Variants in ZBTB20 observed in about 807,000 individuals in gnomAD.
ZBTB20 encodes zinc finger and BTB domain containing 20, also known as zinc finger and BTB domain-containing protein 20.
In ZBTB20, 9 loss-of-function variants were observed where a neutral mutation model predicts 56.9. The ratio of observed to expected loss-of-function variants is 0.16; its 90% CI spans 0.10 to 0.28. The LOEUF is 0.28. Among genes scored for constraint, ZBTB20 ranks in the 10% least tolerant of loss-of-function variants. The probability of loss-of-function intolerance (pLI) is 1.00; values close to 1 mark genes in which losing one functional copy is unlikely to be tolerated. For synonymous variants in ZBTB20, 417 were observed against 420.7 expected, an observed-to-expected ratio of 0.99 and a Z score of 0.11; for missense variants, 655 against 1,003.0, an observed-to-expected ratio of 0.65 and a Z score of 4.69.
In ZBTB20 at chr3:114,844,543, A is replaced by AAAAAC. The variant is rs1553843953; in HGVS notation, c.-416-43370_-416-43369insGTTTT. Among the ~76,000 whole-genome samples the AAAAAC allele has an allele frequency of 1.1e-4, 15 of 139,420 alleles. 1 individual carries two copies. Among genetic ancestry groups the AAAAAC allele is most frequent in the Non-Finnish European group, 2.2e-4 (14 of 64,750 alleles). 91.5% of individuals were successfully genotyped at this position (139,420 alleles called of 152,430 possible). A position where few individuals can be genotyped will look rare whatever the true frequency, so the allele number is the denominator to read the frequency against. ...CTCAAAAAAAAAAAAAAAAAAAAAA[A>AAAAAC]AAAAAAAAACTTTCATTTCTCTTGT... On this transcript the variant is annotated intron_variant, in intron 4 of 11. Transcript: ENST00000675478.
chr3:114,817,744 G>T (rs779960269), intron 4 of ZBTB20, among the ~76,000 whole-genome samples: 21 of 151,946 alleles, frequency 1.4e-4, no homozygotes, highest in Admixed American at 2.6e-4. Flanking sequence ...ATGATACTGA[G>T]CAGAAAATTG....
chr3:114,689,602 C>T (rs553428645), intron 6 of ZBTB20, among the ~76,000 whole-genome samples: 19 of 152,052 alleles, frequency 1.2e-4, no homozygotes, highest in Admixed American at 7.9e-4. Context: ...AAGGTGTACG[C>T]GTACATACAC....
chr3:115,078,815 C>T (rs534331383), intron 1 of ZBTB20, among the ~76,000 whole-genome samples: 2 of 151,774 alleles, frequency 1.3e-5, no homozygotes, highest in African/African-American at 4.8e-5. Flanking sequence ...CTCACCTGGT[C>T]CTCACAACAA....
intron 3 of ZBTB20, among the ~76,000 whole-genome samples, chr3:114,958,590 G>A (rs2077330194): frequency 6.6e-6 from 1 of 152,124 alleles, no homozygotes; most frequent in African/African-American, 2.4e-5. Flanking sequence ...GCTGATGTCT[G>A]TAATCCCAGC....
intron 4 of ZBTB20, among the ~76,000 whole-genome samples, chr3:114,875,185 C>CCTGATTAGCACTGTGCATAATCAAA (rs2076148662): frequency 6.6e-6 from 1 of 152,072 alleles, no homozygotes; most frequent in South Asian, 2.1e-4. Context: ...GCATAATTAA[C>CCTGATTAGCACTGTGCATAATCAAA]CTGATTAGCA....
At chr3:114,767,645 G>T (rs2068875913) in intron 5 of ZBTB20, among the ~76,000 whole-genome samples, 1 of 151,638 alleles carries the variant, frequency 6.6e-6, no homozygotes, top group African/African-American at 2.4e-5. Context: ...AAGCAAGAAA[G>T]AAGGAAAGAA....
chr3:114,770,449 TA>T (rs775749389), intron 5 of ZBTB20, among the ~76,000 whole-genome samples: 382 of 136,034 alleles, frequency 2.8e-3, no homozygotes, highest in Admixed American at 3.5e-3. Flanking sequence ...AACTCCATCT[TA>T]AAAAAAAAAA....
chr3:114,433,212 C>T (rs951494726), intron 7 of ZBTB20, among the ~76,000 whole-genome samples: 11 of 152,108 alleles, frequency 7.2e-5, no homozygotes, highest in East Asian at 1.9e-4. Flanking sequence ...GTCATGACCA[C>T]GTCTAAGCTC....
intron 5 of ZBTB20, among the ~76,000 whole-genome samples, chr3:114,728,205 C>T (rs2065448417): frequency 6.6e-6 from 1 of 152,114 alleles, no homozygotes; most frequent in Admixed American, 6.6e-5. Flanking sequence ...TCCCCATCCA[C>T]TCGTAACACT....
At chr3:114,541,979 A>T (rs571519762) in intron 6 of ZBTB20, among the ~76,000 whole-genome samples, 2 of 152,334 alleles carry the variant, frequency 1.3e-5, no homozygotes, top group Non-Finnish European at 2.9e-5. Flanking sequence ...TATTACTATT[A>T]AAGAATGAGT....
intron 2 of ZBTB20, among the ~76,000 whole-genome samples, chr3:114,993,332 C>A (rs1485909554): frequency 6.6e-6 from 1 of 151,724 alleles, no homozygotes; most frequent in African/African-American, 2.4e-5. Flanking sequence ...GAACCCTGAA[C>A]AAAGTAAAGG....
intron 3 of ZBTB20, among the ~76,000 whole-genome samples, chr3:114,927,354 C>G (rs1297968548): frequency 6.6e-6 from 1 of 152,156 alleles, no homozygotes; most frequent in Non-Finnish European, 1.5e-5. Flanking sequence ...ATGTATAAAA[C>G]CAAGTTATGC....
At chr3:114,621,735 A>G (rs968212625) in intron 6 of ZBTB20, among the ~76,000 whole-genome samples, 2 of 152,198 alleles carry the variant, frequency 1.3e-5, no homozygotes, top group Admixed American at 6.5e-5. Flanking sequence ...ATTTAATGAA[A>G]TTAGAATTTC....
chr3:114,670,567 G>A (rs948405571), intron 6 of ZBTB20, among the ~76,000 whole-genome samples: 2 of 151,952 alleles, frequency 1.3e-5, no homozygotes, highest in African/African-American at 4.8e-5. Flanking sequence ...AAACTGCCAA[G>A]TACCTCCTAC....
intron 2 of ZBTB20, among the ~76,000 whole-genome samples, chr3:115,036,201 C>G (rs1045989825): frequency 1.3e-5 from 2 of 150,918 alleles, no homozygotes; most frequent in African/African-American, 4.9e-5. Flanking sequence ...CCAAACTGTA[C>G]AGTTAAAATT....
At chr3:114,732,859 A>G (rs2065861514) in intron 5 of ZBTB20, among the ~76,000 whole-genome samples, 1 of 152,138 alleles carries the variant, frequency 6.6e-6, no homozygotes, top group Non-Finnish European at 1.5e-5. Flanking sequence ...AGGGAATTCA[A>G]TTACACTAAT....
intron 6 of ZBTB20, among the ~76,000 whole-genome samples, chr3:114,691,597 C>T (rs762101098): frequency 3.9e-4 from 59 of 151,470 alleles, no homozygotes; most frequent in Non-Finnish European, 7.1e-4. Context: ...ATGAGCTATT[C>T]CTCTTCAGGA....
At chr3:115,121,005 T>C (rs536912352) in intron 1 of ZBTB20, among the ~76,000 whole-genome samples, 1 of 152,226 alleles carries the variant, frequency 6.6e-6, no homozygotes, top group Non-Finnish European at 1.5e-5. Context: ...CAGGAAGTGA[T>C]GACAGCCTTC....
intron 6 of ZBTB20, among the ~76,000 whole-genome samples, chr3:114,621,410 G>C (rs543868678): frequency 3.3e-5 from 5 of 152,102 alleles, no homozygotes; most frequent in African/African-American, 7.2e-5. Flanking sequence ...GCTGAATATA[G>C]ATATATGGTT....
Sources: allele counts gnomAD v4.1 joint callset (sites outside exome capture counted in the v4.1 genomes callset), GRCh38; gene constraint gnomAD v4.1.1; transcripts MANE v1.5; gene names NCBI Gene and HGNC (gene_info 2026-07-23, HGNC 2026-07-21).